Variants in PHACTR1 observed in about 807,000 individuals in gnomAD.
PHACTR1 encodes phosphatase and actin regulator 1.
In PHACTR1, 16 loss-of-function variants were observed where a neutral mutation model predicts 69.2. The ratio of observed to expected loss-of-function variants is 0.23; its 90% CI spans 0.16 to 0.35. The LOEUF is 0.35. Among genes scored for constraint, PHACTR1 ranks in the 10% least tolerant of loss-of-function variants. The probability of loss-of-function intolerance (pLI) is 1.00; values close to 1 mark genes in which losing one functional copy is unlikely to be tolerated. For synonymous variants in PHACTR1, 312 were observed against 284.5 expected, an observed-to-expected ratio of 1.10 and a Z score of -0.97; for missense variants, 510 against 734.7, an observed-to-expected ratio of 0.69 and a Z score of 3.54.
intron 4 of PHACTR1, among the ~76,000 whole-genome samples, chr6:12,793,344 A>G (rs1030761418): frequency 2.6e-5 from 4 of 152,144 alleles, no homozygotes; most frequent in Non-Finnish European, 4.4e-5. Flanking sequence ...TTTTTTCCCA[A>G]TTGGCATTTT....
At chr6:13,221,046 T>C (rs1338958947) in intron 8 of PHACTR1, among the ~76,000 whole-genome samples, 4 of 152,066 alleles carry the variant, frequency 2.6e-5, no homozygotes, top group East Asian at 1.9e-4. Flanking sequence ...CTGATTTCCA[T>C]TGGAAAAATC....
intron 4 of PHACTR1, among the ~76,000 whole-genome samples, chr6:12,810,592 G>A (rs1035610667): frequency 6.6e-6 from 1 of 152,128 alleles, no homozygotes; most frequent in Non-Finnish European, 1.5e-5. Flanking sequence ...GCAGGACAGG[G>A]AGGCTGCTCC....
chr6:12,882,266 T>C (rs1783177802), intron 4 of PHACTR1, among the ~76,000 whole-genome samples: 1 of 151,978 alleles, frequency 6.6e-6, no homozygotes, highest in Admixed American at 6.6e-5. Context: ...GGAGAGAACT[T>C]GGCCTGAGAA....
At chr6:12,922,527 T>C (rs1239370388) in intron 4 of PHACTR1, among the ~76,000 whole-genome samples, 1 of 152,192 alleles carries the variant, frequency 6.6e-6, no homozygotes, top group African/African-American at 2.4e-5. Flanking sequence ...AGTTTGAATA[T>C]GCATGGAACA....
At chr6:13,276,107 CA>C (rs1233193378) in intron 11 of PHACTR1, 15 of 142,402 alleles carry the variant, frequency 1.1e-4, no homozygotes, top group Non-Finnish European at 2.1e-4. Flanking sequence ...GGCTTTTATT[CA>C]AGAGAAATTT....
intron 4 of PHACTR1, among the ~76,000 whole-genome samples, chr6:12,956,629 G>A (rs1791930238): frequency 6.6e-6 from 1 of 152,130 alleles, no homozygotes; most frequent in Non-Finnish European, 1.5e-5. Flanking sequence ...ATTTGAGGTG[G>A]CTGGAGAGGG....
Position 12,933,915 on chromosome 6 carries a change from A to G in PHACTR1, c.251-119450A>G. 1.9e-6 allele frequency: 3 copies of G among 1,610,122 alleles called. No homozygotes were observed. The African/African-American group carries it at 4.0e-5, about 21-fold the overall frequency. ...TGAGAGGACATTTACTCTTTGGTCC[A>G]TATGGGAAGGGAAAATGCGGGTTGG... On this transcript the variant is annotated intron_variant, in intron 4 of 14. Transcript: ENST00000332995.
chr6:12,937,137 C>T (rs965539156), intron 4 of PHACTR1, among the ~76,000 whole-genome samples: 25 of 152,132 alleles, frequency 1.6e-4, no homozygotes, highest in Non-Finnish European at 2.5e-4. Context: ...CTGATCTAAC[C>T]GATTTCAGGT....
chr6:12,959,674 A>G (rs1410927785), intron 4 of PHACTR1, among the ~76,000 whole-genome samples: 1 of 152,188 alleles, frequency 6.6e-6, no homozygotes, highest in Non-Finnish European at 1.5e-5. Flanking sequence ...CACTTCAATA[A>G]TATCATGAGG....
chr6:13,216,476 T>C (rs986725900), intron 8 of PHACTR1, among the ~76,000 whole-genome samples: 3 of 152,214 alleles, frequency 2.0e-5, no homozygotes, highest in Non-Finnish European at 4.4e-5. Context: ...GTTGTTTGCT[T>C]GTGAAGTGGT....
chr6:13,118,471 A>ATTTT (rs140486749), intron 5 of PHACTR1, among the ~76,000 whole-genome samples: 20 of 72,806 alleles, frequency 2.7e-4, no homozygotes, highest in East Asian at 1.3e-3. Flanking sequence ...AACCAGGGCC[A>ATTTT]TTTTTTTTTT....
intron 4 of PHACTR1, among the ~76,000 whole-genome samples, chr6:12,774,416 C>G (rs1769772952): frequency 6.6e-6 from 1 of 151,874 alleles, no homozygotes; most frequent in Admixed American, 6.6e-5. Context: ...TTTGAGATGG[C>G]ATTTCGCCCT....
At position 13,045,894 on chromosome 6, in the gene PHACTR1, T is replaced by C. The variant is rs1804951513; in HGVS notation, c.251-7471T>C. On this transcript the variant is annotated intron_variant, in intron 4 of 14. Coordinates refer to ENST00000332995, the MANE Select transcript of PHACTR1 (RefSeq NM_030948.6). The stretch of plus-strand genomic sequence containing the variant: ...TAGAAGCCAGAGACAAAGGAGGAAG[T>C]TGGCCAAGAGCCTGAGCAAATCTGC... 2.0e-5 allele frequency among the ~76,000 whole-genome samples: 3 copies of C among 152,180 alleles called. No individual in the cohort carries two copies. The South Asian group carries it at 6.2e-4, about 32-fold the overall frequency.
At chr6:13,022,495 C>A (rs1311331460) in intron 4 of PHACTR1, among the ~76,000 whole-genome samples, 1 of 152,074 alleles carries the variant, frequency 6.6e-6, no homozygotes, top group Non-Finnish European at 1.5e-5. Context: ...GATACTTATA[C>A]GAAATTCAGA....
At chr6:12,921,931 TG>T (rs1787768454) in intron 4 of PHACTR1, among the ~76,000 whole-genome samples, 1 of 152,126 alleles carries the variant, frequency 6.6e-6, no homozygotes, top group African/African-American at 2.4e-5. Context: ...GCAGGCCTTG[TG>T]AAAAGGGCCC....
At chr6:13,267,957 G>A (rs1777035924) in intron 10 of PHACTR1, 1 of 149,844 alleles carries the variant, frequency 6.7e-6, no homozygotes, top group South Asian at 2.1e-4. Context: ...TCTGTCTAAA[G>A]GCATTCAGGC....
At chr6:13,265,342 G>A (rs1247674203) in intron 10 of PHACTR1, among the ~76,000 whole-genome samples, 1 of 106,184 alleles carries the variant, frequency 9.4e-6, no homozygotes, top group Non-Finnish European at 1.9e-5. Flanking sequence ...TACTGTTAAC[G>A]AAAAGATTGA....
intron 10 of PHACTR1, among the ~76,000 whole-genome samples, chr6:13,261,716 T>G (rs901751608): frequency 1.4e-4 from 22 of 152,098 alleles, no homozygotes; most frequent in Non-Finnish European, 1.5e-4. Flanking sequence ...AGCACTGGGG[T>G]ATGGAACATG....
At chr6:12,858,905 G>A (rs920896303) in intron 4 of PHACTR1, among the ~76,000 whole-genome samples, 1 of 151,780 alleles carries the variant, frequency 6.6e-6, no homozygotes, top group African/African-American at 2.4e-5. Context: ...TTTTTCTATT[G>A]TTAAGATGTT....
Sources: allele counts gnomAD v4.1 joint callset (sites outside exome capture counted in the v4.1 genomes callset), GRCh38; gene constraint gnomAD v4.1.1; transcripts MANE v1.5; gene names NCBI Gene and HGNC (gene_info 2026-07-23, HGNC 2026-07-21).